RYR2: variants seen among roughly 807,000 people sequenced by gnomAD.
The protein encoded by RYR2 is cardiac muscle ryanodine receptor-calcium release channel.
A neutral mutation model predicts 601.1 loss-of-function variants in RYR2; 227 were observed. The ratio of observed to expected loss-of-function variants is 0.38; its 90% CI spans 0.34 to 0.42. RYR2 has a LOEUF of 0.42. Among genes scored for constraint, RYR2 ranks in the 10% least tolerant of loss-of-function variants. The pLI is 1.00. For synonymous variants in RYR2, 2,223 were observed against 2,175.1 expected (o/e 1.02, Z -0.61); for missense variants, 4,646 against 6,156.5 (o/e 0.75, Z 8.21).
chr1:237,295,267 C>G (rs2149434674), intron 2 of RYR2, among the ~76,000 whole-genome samples: 1 of 129,646 alleles, frequency 7.7e-6, no homozygotes, highest in East Asian at 2.3e-4. Context: ...AACCGTACTT[C>G]AGTGTTTGGA....
chr1:237,293,239 C>T (rs1692422779), intron 2 of RYR2, among the ~76,000 whole-genome samples: 1 of 152,200 alleles, frequency 6.6e-6, no homozygotes, highest in South Asian at 2.1e-4. Context: ...TGGAGTCTCA[C>T]TCTGTTGCCC....
intron 1 of RYR2, among the ~76,000 whole-genome samples, chr1:237,148,129 C>T (rs555455297): frequency 2.0e-5 from 3 of 152,246 alleles, no homozygotes; most frequent in South Asian, 4.1e-4. Flanking sequence ...AGATGGACTT[C>T]GGCTGAAGTG....
At chr1:237,552,637 C>A (rs76058046) in intron 27 of RYR2, among the ~76,000 whole-genome samples, 2 of 151,832 alleles carry the variant, frequency 1.3e-5, no homozygotes, top group Admixed American at 1.3e-4. Context: ...ATCATTATCA[C>A]GTGTATTTTT....
At chr1:237,246,469 G>C (rs1421699880) in intron 1 of RYR2, among the ~76,000 whole-genome samples, 1 of 152,110 alleles carries the variant, frequency 6.6e-6, no homozygotes, top group Non-Finnish European at 1.5e-5. Context: ...GGGGTTGCCA[G>C]TGCTTCCTTT....
chr1:237,271,095 C>G (rs1426685963), intron 2 of RYR2, among the ~76,000 whole-genome samples: 1 of 151,758 alleles, frequency 6.6e-6, no homozygotes, highest in Non-Finnish European at 1.5e-5. Context: ...CTGGATTTGA[C>G]TTTCATTGGT....
chr1:237,580,400 G>A (rs982214486), intron 29 of RYR2, among the ~76,000 whole-genome samples: 7 of 150,782 alleles, frequency 4.6e-5, no homozygotes, highest in African/African-American at 1.2e-4. Flanking sequence ...CAGATGATCC[G>A]CCTGCCTCAG....
intron 45 of RYR2, 119 bp from the exon 46 acceptor site, chr1:237,638,896 T>C (rs1681153860): frequency 8.4e-7 from 1 of 1,192,470 alleles, no homozygotes; most frequent in Non-Finnish European, 1.2e-6. Context: ...TTTGGCTTTA[T>C]TAGTATATTG....
intron 96 of RYR2, among the ~76,000 whole-genome samples, chr1:237,796,648 CTTCTTCA>C (rs1659266756): frequency 6.6e-6 from 1 of 151,778 alleles, no homozygotes; most frequent in South Asian, 2.1e-4. Flanking sequence ...AGTATATTTC[CTTCTTCA>C]TTCACTTCAA....
chr1:237,290,708 G>A (rs1271964895), intron 2 of RYR2, among the ~76,000 whole-genome samples: 3 of 152,062 alleles, frequency 2.0e-5, no homozygotes, highest in Non-Finnish European at 4.4e-5. Context: ...ACAAACCTCA[G>A]ATTGGGAGAA....
At chr1:237,147,679 A>C (rs921660195) in intron 1 of RYR2, among the ~76,000 whole-genome samples, 2 of 152,212 alleles carry the variant, frequency 1.3e-5, no homozygotes, top group African/African-American at 4.8e-5. Context: ...TAGAAGAGCC[A>C]TTTCTTAACA....
chr1:237,307,530 T>C (rs1424784573), intron 2 of RYR2, among the ~76,000 whole-genome samples: 1 of 152,246 alleles, frequency 6.6e-6, no homozygotes, highest in Non-Finnish European at 1.5e-5. Context: ...TTCAGTATGA[T>C]TTTACTTCTA....
At chr1:237,616,607 C>T (rs955537287) in intron 37 of RYR2, among the ~76,000 whole-genome samples, 1 of 152,100 alleles carries the variant, frequency 6.6e-6, no homozygotes, top group Non-Finnish European at 1.5e-5. Context: ...ACTCTAGTCT[C>T]TTATCACTGA....
At chr1:237,793,758 G>C in intron 94 of RYR2, 109 bp from the exon 95 acceptor site, 1 of 812,870 alleles carries the variant, frequency 1.2e-6, no homozygotes, top group East Asian at 2.7e-5. Context: ...TACCTTCCTA[G>C]AAGTACACAG....
At chr1:237,456,773 C>G in intron 16 of RYR2, 38 bp downstream of exon 16, 1 of 1,608,146 alleles carries the variant, frequency 6.2e-7, no homozygotes, top group Non-Finnish European at 8.5e-7. Flanking sequence ...ACAGAGTTAT[C>G]TATTTAAAAT....
intron 27 of RYR2, among the ~76,000 whole-genome samples, chr1:237,560,928 T>A (rs1671387044): frequency 6.6e-6 from 1 of 152,184 alleles, no homozygotes; most frequent in Non-Finnish European, 1.5e-5. Context: ...GTTCGGTGCA[T>A]GTGTTTTCTG....
chr1:237,133,044 G>A (rs867237962), intron 1 of RYR2, among the ~76,000 whole-genome samples: 7 of 152,172 alleles, frequency 4.6e-5, no homozygotes, highest in South Asian at 2.1e-4. Context: ...TGATTGACAT[G>A]CTCTGGGTAA....
chr1:237,786,920 C>CA (rs1269495059), intron 91 of RYR2, among the ~76,000 whole-genome samples: 1 of 152,062 alleles, frequency 6.6e-6, no homozygotes. Context: ...AAAATGGCCC[C>CA]ATAAAAAGTA....
chr1:237,507,743 C>T (rs16835331), intron 23 of RYR2, among the ~76,000 whole-genome samples: 11,983 of 152,246 alleles, frequency 0.079, 587 homozygotes, highest in African/African-American at 0.13. Context: ...AGAGTTCTTG[C>T]AGTTGCTAAA....
Position 237,786,015 on chromosome 1 carries a change from A to G in RYR2, c.13307A>G (p.Lys4436Arg). 6.3e-7 allele frequency: 1 copy of G among 1,590,156 alleles called. No individual in the cohort carries two copies. The highest frequency in any genetic ancestry group is 8.6e-7 in the Non-Finnish European group (1 of 1,166,844). ...GAAAAGGAAGAAAAAGAAGAAACCA[A>G]ATCTGAACCTGAAAAAGCCGAGTAT... ...EEEKEEKEET[K>R]SEPEKAEGED... is the part of the protein sequence containing the mutation. Residue 4436 changes from lysine to arginine, a missense_variant, in exon 91 of 105, where the codon AAA becomes AGA. Physicochemically the swap from Lys to Arg is conservative, Grantham distance 26. This residue lies in a region of RYR2 where 364 missense variants were observed against 442.9 expected (regional missense o/e 0.82). Coordinates refer to ENST00000366574, the MANE Select transcript of RYR2 (RefSeq NM_001035.3).
Sources: gnomAD v4.1 joint callset for allele counts (sites outside exome capture counted in the v4.1 genomes callset) on GRCh38, gnomAD v4.1.1 for gene constraint, gnomAD v4.1.1 regional missense constraint, MANE v1.5 for transcripts, NCBI Gene and HGNC (gene_info 2026-07-23, HGNC 2026-07-21) for gene names.